The following CCDC192 variants were observed in gnomAD, a reference collection of about 807,000 sequenced individuals.
CCDC192 encodes the protein coiled-coil domain containing 192.
intron 2 of CCDC192, among the ~76,000 whole-genome samples, chr5:127,720,424 C>A (rs1751953054): frequency 6.6e-6 from 1 of 152,154 alleles, no homozygotes; most frequent in African/African-American, 2.4e-5. Flanking sequence ...GTAGCTCTGC[C>A]CCTGTGGTTC....
intron 6 of CCDC192, among the ~76,000 whole-genome samples, chr5:127,930,617 T>C (rs1049203993): frequency 2.0e-5 from 3 of 152,226 alleles, no homozygotes; most frequent in African/African-American, 7.2e-5. Context: ...TACATGGTTA[T>C]GCTAACAGTC....
intron 2 of CCDC192, among the ~76,000 whole-genome samples, chr5:127,725,818 T>A (rs1752288135): frequency 6.6e-6 from 1 of 152,212 alleles, no homozygotes; most frequent in South Asian, 2.1e-4. Context: ...CTGTGTTCAA[T>A]GAAGCTAAAA....
intron 5 of CCDC192, among the ~76,000 whole-genome samples, chr5:127,841,351 G>A (rs1039692187): frequency 1.3e-5 from 2 of 152,162 alleles, no homozygotes; most frequent in African/African-American, 4.8e-5. Context: ...TTCTCTCAGG[G>A]GAAAGATTCA....
At chr5:127,912,744 A>G (rs1297118500) in intron 6 of CCDC192, among the ~76,000 whole-genome samples, 1 of 152,210 alleles carries the variant, frequency 6.6e-6, no homozygotes, top group Non-Finnish European at 1.5e-5. Flanking sequence ...AATTTCTGCT[A>G]TAGGTTCTTT....
intron 5 of CCDC192, among the ~76,000 whole-genome samples, chr5:127,870,681 TA>T (rs1751814744): frequency 6.6e-6 from 1 of 152,030 alleles, no homozygotes; most frequent in Non-Finnish European, 1.5e-5. Flanking sequence ...AACACAGGGT[TA>T]AAAAATCCCC....
intron 6 of CCDC192, among the ~76,000 whole-genome samples, chr5:127,920,393 A>G (rs946478125): frequency 6.6e-5 from 10 of 150,626 alleles, no homozygotes; most frequent in Non-Finnish European, 1.5e-4. Context: ...GGAAGCTAAA[A>G]GGAACTGAAG....
intron 3 of CCDC192, among the ~76,000 whole-genome samples, chr5:127,769,437 G>T (rs1755423733): frequency 6.6e-6 from 1 of 152,016 alleles, no homozygotes; most frequent in African/African-American, 2.4e-5. Flanking sequence ...GTGTGTGTGT[G>T]TGTCTGAAGC....
chr5:127,873,488 T>C (rs1367951732), intron 5 of CCDC192, among the ~76,000 whole-genome samples: 1 of 152,226 alleles, frequency 6.6e-6, no homozygotes, highest in African/African-American at 2.4e-5. Context: ...TGTTTCTCTA[T>C]CAAACTGTCT....
chr5:127,929,437 G>C (rs1753957154), intron 6 of CCDC192, among the ~76,000 whole-genome samples: 1 of 152,182 alleles, frequency 6.6e-6, no homozygotes, highest in South Asian at 2.1e-4. Flanking sequence ...TTTAAAAAGA[G>C]AAGGGGCTGT....
At chr5:127,756,543 T>TC (rs1428796991) in intron 3 of CCDC192, among the ~76,000 whole-genome samples, 3 of 152,198 alleles carry the variant, frequency 2.0e-5, no homozygotes, top group Non-Finnish European at 4.4e-5. Flanking sequence ...TGTCAGCTGA[T>TC]CCATCGAGTG....
At chr5:127,827,449 T>C (rs1459691466) in intron 5 of CCDC192, among the ~76,000 whole-genome samples, 8 of 152,238 alleles carry the variant, frequency 5.3e-5, no homozygotes, top group Non-Finnish European at 1.5e-5. Flanking sequence ...CCCAGTTGTT[T>C]AGAAAATTAG....
intron 3 of CCDC192, among the ~76,000 whole-genome samples, chr5:127,779,849 T>A (rs1297656599): frequency 6.6e-6 from 1 of 152,156 alleles, no homozygotes; most frequent in Non-Finnish European, 1.5e-5. Context: ...CAGTATACAC[T>A]GCACCCTATT....
intron 2 of CCDC192, among the ~76,000 whole-genome samples, chr5:127,714,355 C>A (rs1751503180): frequency 6.6e-6 from 1 of 152,124 alleles, no homozygotes; most frequent in Non-Finnish European, 1.5e-5. Flanking sequence ...TGGATATTGA[C>A]CCAGTAGTGG....
chr5:127,715,697 A>G (rs1580519769), intron 2 of CCDC192, among the ~76,000 whole-genome samples: 1 of 152,200 alleles, frequency 6.6e-6, no homozygotes, highest in Non-Finnish European at 1.5e-5. Flanking sequence ...AACAATATTA[A>G]TATATGTCCA....
At chr5:127,928,437 C>A (rs1376419747) in intron 6 of CCDC192, among the ~76,000 whole-genome samples, 3 of 152,294 alleles carry the variant, frequency 2.0e-5, no homozygotes, top group South Asian at 2.1e-4. Context: ...AGATATTTTT[C>A]TCTGACTCTG....
intron 3 of CCDC192, among the ~76,000 whole-genome samples, chr5:127,777,787 GCT>G (rs1455129343): frequency 6.6e-6 from 1 of 152,126 alleles, no homozygotes; most frequent in Non-Finnish European, 1.5e-5. Flanking sequence ...TCTTGCACAA[GCT>G]CTCTTTTTGC....
At chr5:127,806,423 G>A (rs996411393) in intron 5 of CCDC192, among the ~76,000 whole-genome samples, 5 of 151,682 alleles carry the variant, frequency 3.3e-5, no homozygotes, top group Admixed American at 6.6e-5. Flanking sequence ...CCACCCTACC[G>A]CCCCCAGCTA....
chr5:127,822,680 G>A (rs1364900568), intron 5 of CCDC192, among the ~76,000 whole-genome samples: 1 of 152,174 alleles, frequency 6.6e-6, no homozygotes, highest in Non-Finnish European at 1.5e-5. Flanking sequence ...AGGAGCAACT[G>A]TGGAAGGACG....
At chr5:127,732,591 C>G (rs568502011) in intron 2 of CCDC192, among the ~76,000 whole-genome samples, 2 of 152,276 alleles carry the variant, frequency 1.3e-5, no homozygotes, top group East Asian at 3.9e-4. Flanking sequence ...ATGGAATTAA[C>G]CCAAATGTCC....
Sources: gnomAD v4.1 joint callset for allele counts (sites outside exome capture counted in the v4.1 genomes callset) on GRCh38, gnomAD v4.1.1 for gene constraint, MANE v1.5 for transcripts, NCBI Gene and HGNC (gene_info 2026-07-23, HGNC 2026-07-21) for gene names.